TMTC2: variants seen among roughly 807,000 people sequenced by gnomAD.
The protein encoded by TMTC2 is protein O-mannosyl-transferase TMTC2.
In TMTC2, 43 loss-of-function variants were observed where a neutral mutation model predicts 82.4. The ratio of observed to expected loss-of-function variants is 0.52; its 90% confidence interval spans 0.41 to 0.67. The LOEUF is 0.67. Ranked by LOEUF, TMTC2 falls within the 30% of genes least tolerant of loss-of-function variation. The probability of loss-of-function intolerance (pLI) is 0.00; values close to 1 mark genes in which losing one functional copy is unlikely to be tolerated. For missense variants in TMTC2, 919 were observed against 1,012.4 expected (o/e 0.91, Z 1.25); for synonymous variants, 408 against 381.9 (o/e 1.07, Z -0.80).
intron 2 of TMTC2, among the ~76,000 whole-genome samples, chr12:82,863,077 A>G (rs116175067): frequency 3.9e-5 from 6 of 151,934 alleles, no homozygotes; most frequent in South Asian, 4.1e-4. Context: ...GTTGCTGGGG[A>G]TGGCTTTGAT....
At chr12:82,885,549 C>T (rs1014342885) in intron 2 of TMTC2, among the ~76,000 whole-genome samples, 340 of 136,736 alleles carry the variant, frequency 2.5e-3, no homozygotes, top group Admixed American at 0.011. Context: ...TTTTTTTTTT[C>T]TATAGAGATA....
chr12:83,087,350 A>G (rs568723402), intron 11 of TMTC2, among the ~76,000 whole-genome samples: 33 of 152,264 alleles, frequency 2.2e-4, no homozygotes, highest in African/African-American at 7.5e-4. Context: ...GAAGTCATCC[A>G]TGAGGGTTGG....
chr12:83,055,612 G>GTACATGAAGA (rs1450016339), intron 10 of TMTC2, among the ~76,000 whole-genome samples: 8 of 152,000 alleles, frequency 5.3e-5, no homozygotes, highest in African/African-American at 1.9e-4. Flanking sequence ...AAGCTGGAGA[G>GTACATGAAGA]TACATGAAGA....
chr12:82,861,035 A>G (rs1871517355), intron 2 of TMTC2, among the ~76,000 whole-genome samples: 1 of 152,218 alleles, frequency 6.6e-6, no homozygotes, highest in East Asian at 1.9e-4. Flanking sequence ...AATCATCTTA[A>G]ATATCTTGCC....
chr12:83,023,145 A>C (rs1359076069), intron 8 of TMTC2, among the ~76,000 whole-genome samples: 3 of 152,182 alleles, frequency 2.0e-5, no homozygotes, highest in Non-Finnish European at 1.5e-5. Flanking sequence ...ACCGTATTTT[A>C]ATAGCGTGTC....
chr12:82,892,905 T>G (rs1457777504), intron 2 of TMTC2, among the ~76,000 whole-genome samples: 1 of 152,234 alleles, frequency 6.6e-6, no homozygotes, highest in Non-Finnish European at 1.5e-5. Context: ...ATGTGATTGA[T>G]CCGATCATGT....
At chr12:82,711,838 C>T (rs1274917619) in intron 1 of TMTC2, among the ~76,000 whole-genome samples, 1 of 152,162 alleles carries the variant, frequency 6.6e-6, no homozygotes, top group Non-Finnish European at 1.5e-5. Flanking sequence ...ATGGAAAGCT[C>T]AGTTGATTAT....
At chr12:82,759,675 TGTAAAAA>T (rs1027925288) in intron 1 of TMTC2, 1 of 152,190 alleles carries the variant, frequency 6.6e-6, no homozygotes, top group Non-Finnish European at 1.5e-5. Flanking sequence ...AAGCTGGAAA[TGTAAAAA>T]GTTAAAAATG....
chr12:83,018,797 C>T (rs1880792055), intron 8 of TMTC2, among the ~76,000 whole-genome samples: 2 of 152,098 alleles, frequency 1.3e-5, no homozygotes, highest in South Asian at 4.2e-4. Flanking sequence ...TAGGCAACAA[C>T]ACTTCATAAG....
At chr12:83,026,749 C>T (rs935853351) in intron 8 of TMTC2, among the ~76,000 whole-genome samples, 4 of 139,540 alleles carry the variant, frequency 2.9e-5, no homozygotes, top group East Asian at 4.4e-4. Context: ...TGTGAAAATA[C>T]GTGTGTATTT....
At chr12:82,724,335 T>C (rs1427645394) in intron 1 of TMTC2, among the ~76,000 whole-genome samples, 1 of 152,138 alleles carries the variant, frequency 6.6e-6, no homozygotes, top group Non-Finnish European at 1.5e-5. Context: ...TGGCTCTCTG[T>C]CCCCACTCAA....
At chr12:82,793,067 C>T (rs945413206) in intron 1 of TMTC2, among the ~76,000 whole-genome samples, 2 of 152,124 alleles carry the variant, frequency 1.3e-5, no homozygotes, top group Middle Eastern at 6.3e-3. Flanking sequence ...AATGAATACA[C>T]ACATATGCAC....
chr12:83,098,087 G>A (rs1204543509), intron 11 of TMTC2, among the ~76,000 whole-genome samples: 1 of 152,202 alleles, frequency 6.6e-6, no homozygotes, highest in Non-Finnish European at 1.5e-5. Flanking sequence ...GGACAAACTG[G>A]AAGCAGGGAA....
intron 1 of TMTC2, among the ~76,000 whole-genome samples, chr12:82,773,984 G>A (rs75429138): frequency 0.15 from 23,115 of 151,992 alleles, 2,045 homozygotes; most frequent in African/African-American, 0.24. Flanking sequence ...ATAATTTGAT[G>A]TAGTTTAGAA....
intron 8 of TMTC2, among the ~76,000 whole-genome samples, chr12:83,005,206 T>TTAAAAA (rs1880128224): frequency 2.8e-5 from 1 of 36,340 alleles, no homozygotes; most frequent in African/African-American, 6.1e-5. Context: ...TTTGTCTTAT[T>TTAAAAA]AAAAAAAAAA....
In TMTC2 at chr12:83,125,693, T is replaced by G. The variant is rs140405798; in HGVS notation, c.2332-6517T>G. On this transcript the variant is annotated intron_variant, in intron 11 of 11. Coordinates refer to ENST00000321196, the MANE Select transcript of TMTC2 (RefSeq NM_152588.3). ...ATTTGAAATGCATTTTCTTTGAGCATTATGTCTGCATTCAAACAGTTTTAG... is the reference window on the plus strand; with the variant it reads ...ATTTGAAATGCATTTTCTTTGAGCAGTATGTCTGCATTCAAACAGTTTTAG... Among the ~76,000 whole-genome samples the G allele has an allele frequency of 9.8e-5, 15 of 152,326 alleles. No homozygotes were observed. The East Asian group carries it at 2.9e-3, about 29-fold the overall frequency.
intron 1 of TMTC2, among the ~76,000 whole-genome samples, chr12:82,812,147 T>G (rs1356780489): frequency 6.6e-6 from 1 of 152,150 alleles, no homozygotes; most frequent in Non-Finnish European, 1.5e-5. Flanking sequence ...TCTGAAACTT[T>G]AAGAGAATGC....
intron 1 of TMTC2, among the ~76,000 whole-genome samples, chr12:82,725,098 C>T (rs1874386508): frequency 6.6e-6 from 1 of 151,856 alleles, no homozygotes; most frequent in Non-Finnish European, 1.5e-5. Context: ...GATTAAGAGG[C>T]CTTTCTCCTT....
chr12:82,728,502 C>T (rs1402254721), intron 1 of TMTC2, among the ~76,000 whole-genome samples: 2 of 152,124 alleles, frequency 1.3e-5, no homozygotes, highest in Non-Finnish European at 2.9e-5. Flanking sequence ...GGGCAGATCA[C>T]CTGAGGTCAG....
Sources: allele counts gnomAD v4.1 joint callset (sites outside exome capture counted in the v4.1 genomes callset), GRCh38; gene constraint gnomAD v4.1.1; transcripts MANE v1.5; gene names NCBI Gene and HGNC (gene_info 2026-07-23, HGNC 2026-07-21).